The following DUSP22 variants were observed in gnomAD, a reference collection of about 807,000 sequenced individuals.
DUSP22 encodes the protein dual specificity protein phosphatase 22.
DUSP22 carries 24 observed loss-of-function variants against 24.5 expected under a neutral mutation model. The ratio of observed to expected loss-of-function variants is 0.98; its 90% CI spans 0.71 to 1.38. DUSP22 has a LOEUF of 1.38. DUSP22 is among the 40% of genes most tolerant of loss of function. The pLI is 0.00. For synonymous variants in DUSP22, 160 were observed against 106.4 expected, an observed-to-expected ratio of 1.50 and a Z score of -3.10; for missense variants, 330 against 269.2, an observed-to-expected ratio of 1.23 and a Z score of -1.58.
At chr6:313,103 A>G (rs1351615651) in intron 3 of DUSP22, among the ~76,000 whole-genome samples, 2 of 152,290 alleles carry the variant, frequency 1.3e-5, no homozygotes, top group Admixed American at 6.5e-5. Flanking sequence ...TAATCTGTCA[A>G]CAATAGTTTG....
At chr6:333,965 T>C (rs1283506923) in intron 3 of DUSP22, among the ~76,000 whole-genome samples, 1 of 152,300 alleles carries the variant, frequency 6.6e-6, no homozygotes, top group Non-Finnish European at 1.5e-5. Context: ...TGTGGAAGGA[T>C]TAGGGGCAGC....
rs1264215452 is a variant in DUSP22 at position 351,189 on chromosome 6, G to A, written c.*2238G>A. On this transcript the variant is annotated 3_prime_UTR_variant, in exon 7 of 7. Coordinates refer to ENST00000419235, the MANE Select transcript of DUSP22 (RefSeq NM_001286555.3). ...CTTCCTGTGAACGCCTCCCAAGGAC[G>A]AGCCCAGTGTAGTTGTGTGGCGTGA... The A allele has an allele frequency of 1.2e-5, 5 of 426,742 alleles. No individual in the cohort carries two copies. Among genetic ancestry groups the A allele is most frequent in the Non-Finnish European group, 2.1e-5 (5 of 234,980 alleles). The allele number at this position is 426,742 out of a possible 1,614,324, so 26.4% of individuals were successfully genotyped here.
chr6:299,781 C>T (rs1410296071), intron 1 of DUSP22, among the ~76,000 whole-genome samples: 1 of 152,310 alleles, frequency 6.6e-6, no homozygotes, highest in African/African-American at 2.4e-5. Context: ...AGCAGCTCCC[C>T]AGCACTAGGC....
At chr6:330,831 T>C (rs1243497512) in intron 3 of DUSP22, among the ~76,000 whole-genome samples, 3 of 152,302 alleles carry the variant, frequency 2.0e-5, no homozygotes, top group Non-Finnish European at 4.4e-5. Flanking sequence ...CCCCCATCTC[T>C]CCTGCCTCTT....
intron 1 of DUSP22, among the ~76,000 whole-genome samples, chr6:301,128 T>A (rs1237971455): frequency 1.3e-5 from 2 of 152,296 alleles, no homozygotes; most frequent in Non-Finnish European, 2.9e-5. Flanking sequence ...TACTAACAGC[T>A]GGGCTCTGCT....
intron 5 of DUSP22, 65 bp from the exon 6 acceptor site, chr6:348,038 G>C: frequency 6.3e-7 from 1 of 1,598,886 alleles, no homozygotes; most frequent in Non-Finnish European, 8.5e-7. Flanking sequence ...CGCTCCACAT[G>C]GATTGGGCGA....
chr6:307,133 T>C (rs1757845009), intron 2 of DUSP22, among the ~76,000 whole-genome samples: 1 of 152,310 alleles, frequency 6.6e-6, no homozygotes, highest in South Asian at 2.1e-4. Flanking sequence ...AGCTGTCATC[T>C]GTGCTCTTGC....
intron 1 of DUSP22, among the ~76,000 whole-genome samples, chr6:302,654 C>G (rs1349396210): frequency 1.3e-5 from 2 of 152,306 alleles, no homozygotes; most frequent in Non-Finnish European, 2.9e-5. Flanking sequence ...ATGATACGTT[C>G]TCTGACTTTG....
chr6:341,417 G>C (rs1007648535), intron 4 of DUSP22, among the ~76,000 whole-genome samples: 2 of 152,308 alleles, frequency 1.3e-5, no homozygotes, highest in Non-Finnish European at 2.9e-5. Flanking sequence ...CCACTGTGGA[G>C]GAGGGAGTTT....
chr6:304,914 C>T (rs1757753314), intron 2 of DUSP22, among the ~76,000 whole-genome samples: 1 of 152,292 alleles, frequency 6.6e-6, no homozygotes, highest in Admixed American at 6.5e-5. Context: ...AATCTCACAA[C>T]TATCGGAGCC....
chr6:315,355 A>G (rs1330730830), intron 3 of DUSP22, among the ~76,000 whole-genome samples: 3 of 152,298 alleles, frequency 2.0e-5, no homozygotes, highest in African/African-American at 4.8e-5. Flanking sequence ...GCCTAACTCT[A>G]TCATTGGGTG....
At position 350,320 on chromosome 6, in the gene DUSP22, T is replaced by G; in HGVS notation, c.*1369T>G. The G allele has an allele frequency of 1.0e-6, 1 of 1,002,672 alleles. No individual in the cohort carries two copies. The highest frequency in any genetic ancestry group is 1.2e-6 in the Non-Finnish European group (1 of 840,864). The allele number at this position is 1,002,672 out of a possible 1,614,324, so 62.1% of individuals were successfully genotyped here. A position where few individuals can be genotyped will look rare whatever the true frequency, so the allele number is the denominator to read the frequency against. ...TTGTACTCTGGGGCTGCAGGCATCC[T>G]GGGACGCTGTACGCAATTCAGTGGT... On this transcript the variant is annotated 3_prime_UTR_variant, in exon 7 of 7. Coordinates refer to ENST00000419235, the MANE Select transcript of DUSP22 (RefSeq NM_001286555.3).
At chr6:342,714 G>A (rs539916994) in intron 4 of DUSP22, among the ~76,000 whole-genome samples, 52 of 152,312 alleles carry the variant, frequency 3.4e-4, no homozygotes, top group Non-Finnish European at 5.9e-4. Context: ...CATGGCACTC[G>A]CTCCCAGCTC....
At chr6:338,098 ACT>A (rs1219997648) in intron 4 of DUSP22, 2 of 152,500 alleles carry the variant, frequency 1.3e-5, no homozygotes, top group African/African-American at 4.8e-5. Flanking sequence ...AAAAGTGGAC[ACT>A]CTGCTGTTGG....
At chr6:315,243 A>T (rs1465352429) in intron 3 of DUSP22, among the ~76,000 whole-genome samples, 1 of 152,306 alleles carries the variant, frequency 6.6e-6, no homozygotes, top group African/African-American at 2.4e-5. Flanking sequence ...GTAAGCCCTA[A>T]ATTCACATCT....
In DUSP22 at chr6:349,390, G is replaced by T; in HGVS notation, c.*439G>T. The T allele has an allele frequency of 9.8e-7, 1 of 1,022,404 alleles. No individual in the cohort carries two copies. The highest frequency in any genetic ancestry group is 1.2e-6 in the Non-Finnish European group (1 of 852,916). 63.3% of individuals were successfully genotyped at this position (1,022,404 alleles called of 1,614,324 possible). On this transcript the variant is annotated 3_prime_UTR_variant, in exon 7 of 7. Coordinates refer to ENST00000419235, the MANE Select transcript of DUSP22 (RefSeq NM_001286555.3). ...TGGAAGTCACAGAATTCATATTGCT[G>T]CCCGGGTTGGTGTGGCCACCTTTCC...
chr6:347,651 A>G (rs1464117621), intron 5 of DUSP22, among the ~76,000 whole-genome samples: 8 of 152,304 alleles, frequency 5.3e-5, no homozygotes, highest in East Asian at 1.9e-4. Context: ...TTTAAAAATT[A>G]TAGATCTAGC....
Position 292,580 on chromosome 6 carries a change from G to C in DUSP22, c.21+20G>C. On this transcript the variant is annotated intron_variant, in intron 1 of 6. Transcript: ENST00000419235. Reference sequence around the variant, plus strand: ...AACAAGGTAACGTCTTCCCTCGTTCGCGCTGGGTTTGCCTCCGCTCCGACG... The same window carrying C: ...AACAAGGTAACGTCTTCCCTCGTTCCCGCTGGGTTTGCCTCCGCTCCGACG... The C allele has an allele frequency of 6.3e-7, 1 of 1,593,426 alleles. No individual in the cohort carries two copies. The highest frequency in any genetic ancestry group is 1.1e-5 in the South Asian group (1 of 89,648).
At chr6:316,852 A>T (rs1271114526) in intron 3 of DUSP22, among the ~76,000 whole-genome samples, 2 of 152,302 alleles carry the variant, frequency 1.3e-5, no homozygotes, top group Admixed American at 1.3e-4. Flanking sequence ...ATGACAGTGT[A>T]GGATCAAGTA....
Sources: allele counts gnomAD v4.1 joint callset (sites outside exome capture counted in the v4.1 genomes callset), GRCh38; gene constraint gnomAD v4.1.1; transcripts MANE v1.5; gene names NCBI Gene and HGNC (gene_info 2026-07-23, HGNC 2026-07-21).